Variants in PIK3AP1 observed in about 807,000 individuals in gnomAD.
PIK3AP1 encodes the protein phosphoinositide-3-kinase adaptor protein 1.
PIK3AP1 carries 21 observed loss-of-function variants against 88.1 expected under a neutral mutation model. The ratio of observed to expected loss-of-function variants is 0.24; its 90% confidence interval spans 0.17 to 0.34. The LOEUF (loss-of-function observed/expected upper bound fraction) is 0.34, where lower values mean the gene tolerates loss of function less well. Ranked by LOEUF, PIK3AP1 falls within the 10% of genes least tolerant of loss-of-function variation. The pLI is 1.00. For missense variants in PIK3AP1, 828 were observed against 1,035.7 expected (o/e 0.80, Z 2.75); for synonymous variants, 398 against 400.0 (o/e 1.00, Z 0.06).
At chr10:96,654,261 T>TG (rs1843584422) in intron 3 of PIK3AP1, among the ~76,000 whole-genome samples, 2 of 152,162 alleles carry the variant, frequency 1.3e-5, no homozygotes. Context: ...GCTGGTTACG[T>TG]GGGGGGAATG....
rs1225305874 is a variant in PIK3AP1 at position 96,609,841 on chromosome 10, G to A, written c.2041C>T (p.His681Tyr). The A allele has an allele frequency of 6.2e-7, 1 of 1,614,106 alleles. No homozygotes were observed. The highest frequency in any genetic ancestry group is 8.5e-7 in the Non-Finnish European group (1 of 1,179,984). ...ACTTTTGCAGGCAGGTGCTGTGAGT[G>A]CCGAATTGGGACCGTGATCTCCAAG... ...TDLEITVPIR[H>Y]SQHLPAKVEF... Residue 681 changes from histidine to tyrosine, a missense_variant, in exon 14 of 17, where the codon CAC (histidine) becomes TAC (tyrosine). This residue lies in a region of PIK3AP1 where 191 missense variants were observed against 208.6 expected (regional missense o/e 0.92). Transcript: ENST00000339364.
intron 2 of PIK3AP1, among the ~76,000 whole-genome samples, chr10:96,666,490 C>G (rs1156886620): frequency 6.6e-6 from 1 of 151,928 alleles, no homozygotes; most frequent in Non-Finnish European, 1.5e-5. Flanking sequence ...ATTAATTAGT[C>G]GACACTAAAG....
At chr10:96,652,313 G>T (rs567336318) in intron 4 of PIK3AP1, among the ~76,000 whole-genome samples, 1 of 152,174 alleles carries the variant, frequency 6.6e-6, no homozygotes, top group Non-Finnish European at 1.5e-5. Context: ...CGTGGCTCAC[G>T]CCTGTAATCC....
chr10:96,637,100 C>A (rs1181445013), intron 8 of PIK3AP1, among the ~76,000 whole-genome samples: 3 of 152,072 alleles, frequency 2.0e-5, no homozygotes, highest in Admixed American at 6.5e-5. Flanking sequence ...ATTTTTTTCT[C>A]CAGCAAGAAT....
chr10:96,648,685 G>A lies in PIK3AP1; in HGVS notation c.1159C>T (p.Leu387=). 6.2e-7 allele frequency: 1 copy of A among 1,609,108 alleles called. No individual in the cohort carries two copies. The highest frequency in any genetic ancestry group is 8.5e-7 in the Non-Finnish European group (1 of 1,178,000). ...ACATACTCGTCGATGAACTGCCGCA[G>A]GTCCCTGAAGCCGTGTTTCTCAGCG... ...TIAEKHGFRD[L]RQFIDEYVET... Residue 387 remains leucine, a synonymous_variant, in exon 7 of 17, where the codon CTG becomes TTG. Coordinates refer to ENST00000339364, the MANE Select transcript of PIK3AP1 (RefSeq NM_152309.3).
At chr10:96,692,744 G>T (rs2134275378) in intron 2 of PIK3AP1, among the ~76,000 whole-genome samples, 1 of 152,290 alleles carries the variant, frequency 6.6e-6, no homozygotes. Context: ...CAGTGGCAGA[G>T]CATTTGACTG....
intron 11 of PIK3AP1, among the ~76,000 whole-genome samples, chr10:96,621,875 A>G (rs1350576977): frequency 1.3e-5 from 2 of 152,182 alleles, no homozygotes; most frequent in Admixed American, 6.5e-5. Flanking sequence ...TCTACCCATT[A>G]AATGCTAGCA....
intron 16 of PIK3AP1, among the ~76,000 whole-genome samples, chr10:96,596,558 T>C (rs58936355): frequency 0.042 from 6,427 of 152,278 alleles, 243 homozygotes; most frequent in African/African-American, 0.1. Context: ...TAGGGAGATT[T>C]GTTGAGAGAG....
chr10:96,708,882 G>A (rs1220307166), intron 2 of PIK3AP1, among the ~76,000 whole-genome samples: 1 of 152,158 alleles, frequency 6.6e-6, no homozygotes, highest in Non-Finnish European at 1.5e-5. Flanking sequence ...TGTAGGCCCA[G>A]CACTTTGGGA....
chr10:96,617,350 C>T (rs914018499), intron 12 of PIK3AP1, among the ~76,000 whole-genome samples: 17 of 152,104 alleles, frequency 1.1e-4, no homozygotes, highest in Admixed American at 2.6e-4. Flanking sequence ...ACAATAACGC[C>T]GAAGTTAAGT....
intron 2 of PIK3AP1, among the ~76,000 whole-genome samples, chr10:96,681,395 G>A (rs1206481494): frequency 6.6e-6 from 1 of 152,240 alleles, no homozygotes; most frequent in Non-Finnish European, 1.5e-5. Context: ...TCTGACTTCT[G>A]TGTATGCCTC....
chr10:96,680,787 T>C (rs1000606192), intron 2 of PIK3AP1, among the ~76,000 whole-genome samples: 7 of 152,230 alleles, frequency 4.6e-5, no homozygotes, highest in Admixed American at 4.6e-4. Context: ...CAACTATAAA[T>C]CCTGCAATTC....
chr10:96,688,810 A>G (rs1844111497), intron 2 of PIK3AP1, among the ~76,000 whole-genome samples: 1 of 151,854 alleles, frequency 6.6e-6, no homozygotes, highest in Admixed American at 6.6e-5. Flanking sequence ...AAAAAAAGAA[A>G]GAAAGAAAGA....
rs765634361 is a variant in PIK3AP1 at position 96,602,367 on chromosome 10, C to T, written c.2273G>A (p.Arg758His). The change falls in exon 16 of 17, where the codon CGC becomes CAC. Residue 758 changes from arginine to histidine, a missense_variant. Coordinates refer to ENST00000339364, the MANE Select transcript of PIK3AP1 (RefSeq NM_152309.3). ...DNEVPEVTRS[R>H]SPGPPQVDGT... ...ATCCACTTGTGGGGGGCCTGGACTG[C>T]GACTTCTGGTAACCTCAGGGACTTC... 1.4e-5 allele frequency: 23 copies of T among 1,611,970 alleles called. No homozygotes were observed. The highest frequency in any genetic ancestry group is 1.3e-4 in the East Asian group (6 of 44,782).
At chr10:96,664,860 T>C (rs1395733858) in intron 2 of PIK3AP1, among the ~76,000 whole-genome samples, 2 of 144,230 alleles carry the variant, frequency 1.4e-5, no homozygotes, top group Non-Finnish European at 3.0e-5. Context: ...GAAGGCAGAG[T>C]CCCAACAGGG....
chr10:96,651,434 G>T, intron 5 of PIK3AP1, 54 bp from the exon 6 acceptor site: 1 of 1,613,930 alleles, frequency 6.2e-7, no homozygotes, highest in Non-Finnish European at 8.5e-7. Flanking sequence ...CTTCCATCCC[G>T]CAGATTCAAG....
chr10:96,662,999 C>A (rs1395168222), intron 2 of PIK3AP1, among the ~76,000 whole-genome samples: 4 of 150,220 alleles, frequency 2.7e-5, no homozygotes, highest in Non-Finnish European at 3.0e-5. Context: ...CTACAGCATG[C>A]ATGAATCTTG....
intron 2 of PIK3AP1, among the ~76,000 whole-genome samples, chr10:96,684,458 T>C (rs907675327): frequency 6.6e-6 from 1 of 152,216 alleles, no homozygotes; most frequent in Non-Finnish European, 1.5e-5. Flanking sequence ...TGAGACAAGA[T>C]GTCTTGATTC....
At position 96,626,905 on chromosome 10, in the gene PIK3AP1, C is replaced by T; in HGVS notation, c.1472G>A (p.Gly491Asp). The change falls in exon 10 of 17, where the codon GGC (glycine) becomes GAC (aspartate). Residue 491 changes from glycine (G) to aspartate (D), a missense_variant and splice_region_variant. By Grantham distance (94) the Gly-to-Asp change is moderately conservative. Around this residue, in one of 3 missense-constraint regions of PIK3AP1, gnomAD observed 610 missense variants for 760.1 expected, o/e 0.80. Transcript: ENST00000339364. Reference sequence around the variant, plus strand: ...CAGATTGGTCATTCCCATGCTGTTGCCTAGAAACGCAGAGAAAGGTGACTG... The same window carrying T: ...CAGATTGGTCATTCCCATGCTGTTGTCTAGAAACGCAGAGAAAGGTGACTG... ...KDSMIRKFLE[G>D]NSMGMTNLER... 1 of 1,612,820 alleles carries T rather than the reference C, an allele frequency of 6.2e-7. No homozygotes were observed.
Sources: gnomAD v4.1 joint callset for allele counts (sites outside exome capture counted in the v4.1 genomes callset) on GRCh38, gnomAD v4.1.1 for gene constraint, gnomAD v4.1.1 regional missense constraint, MANE v1.5 for transcripts, NCBI Gene and HGNC (gene_info 2026-07-23, HGNC 2026-07-21) for gene names.